The following MYO3A variants were observed in gnomAD, a reference collection of about 807,000 sequenced individuals.
MYO3A encodes myosin-IIIa.
A neutral mutation model predicts 192.7 loss-of-function variants in MYO3A; 180 were observed. That is an observed-to-expected ratio of 0.93 (90% CI 0.83 to 1.06). The LOEUF is 1.06. MYO3A is among the 50% of genes least tolerant of loss of function. The pLI is 0.00. For synonymous variants in MYO3A, 628 were observed against 645.3 expected, an observed-to-expected ratio of 0.97 and a Z score of 0.41; for missense variants, 1,896 against 1,905.0, an observed-to-expected ratio of 1.00 and a Z score of 0.09.
rs753660569 is a variant in MYO3A, at chr10:26,170,516, C to G, written c.3375C>G (p.Tyr1125Ter). ...AAACTTCTGATCAGGAATTCGACTACAAGAAAAACTTTGAAAATACAAGGT... is the reference window on the plus strand; with the variant it reads ...AAACTTCTGATCAGGAATTCGACTAGAAGAAAAACTTTGAAAATACAAGGT... ...TIQTSDQEFDYKKNFENTRES... is the reference protein window; with the variant it reads ...TIQTSDQEFD The change falls in exon 29 of 35, where the codon TAC becomes TAG. Residue 1125 changes from tyrosine to a stop codon, truncating the protein, a stop_gained. Coordinates refer to ENST00000642920, the MANE Select transcript of MYO3A (RefSeq NM_017433.5). LOFTEE classifies it high-confidence loss of function. The G allele has an allele frequency of 6.2e-7, 1 of 1,612,296 alleles. No homozygotes were observed. Among genetic ancestry groups the G allele is most frequent in the African/African-American group, 1.3e-5 (1 of 75,010 alleles).
At chr10:26,042,873 A>G (rs947074748) in intron 10 of MYO3A, among the ~76,000 whole-genome samples, 1 of 152,234 alleles carries the variant, frequency 6.6e-6, no homozygotes, top group South Asian at 2.1e-4. Context: ...ATGCTTGTGG[A>G]CATTCATCTA....
intron 23 of MYO3A, among the ~76,000 whole-genome samples, chr10:26,150,945 A>G (rs929282338): frequency 6.6e-5 from 10 of 152,132 alleles, no homozygotes; most frequent in African/African-American, 2.4e-4. Context: ...TATATGGGTT[A>G]TTTATAAGAG....
chr10:25,957,346 T>G (rs895606297), intron 4 of MYO3A, among the ~76,000 whole-genome samples: 1 of 152,170 alleles, frequency 6.6e-6, no homozygotes, highest in Non-Finnish European at 1.5e-5. Context: ...CTGACATCCA[T>G]GTAAGATGTG....
chr10:26,206,578 A>G (rs1039319183), intron 34 of MYO3A, among the ~76,000 whole-genome samples: 25 of 151,708 alleles, frequency 1.6e-4, no homozygotes, highest in Non-Finnish European at 7.4e-5. Context: ...CCTCCCAAAT[A>G]CCTGGGATTA....
chr10:26,068,646 G>A, intron 11 of MYO3A, 122 bp from the exon 12 acceptor site: 2 of 614,872 alleles, frequency 3.3e-6, no homozygotes, highest in Non-Finnish European at 2.9e-6. Flanking sequence ...TACTATCAGT[G>A]TGTCTGTTTT....
rs776000003 is a variant in MYO3A at position 26,157,346 on chromosome 10, G to A, written c.2830G>A (p.Gly944Ser). Residue 944 changes from glycine to serine, a missense_variant, in exon 26 of 35, where the codon GGC (glycine) becomes AGC (serine). Coordinates refer to ENST00000642920, the MANE Select transcript of MYO3A (RefSeq NM_017433.5). Reference protein sequence around the residue: ...LMDLLSKMVVGQPHFVRCIKP... With the variant: ...LMDLLSKMVVSQPHFVRCIKP... ...GGATTTGTTGTCTAAAATGGTGGTGGGCCAACCTCATTTTGTCCGTTGCAT... is the reference window on the plus strand; with the variant it reads ...GGATTTGTTGTCTAAAATGGTGGTGAGCCAACCTCATTTTGTCCGTTGCAT... 6 of 1,614,008 alleles carry A rather than the reference G, an allele frequency of 3.7e-6. No homozygotes were observed. In the Admixed American group the frequency reaches 6.7e-5, roughly 18 times the overall value.
chr10:26,175,832 A>T (rs1326109716), intron 30 of MYO3A, among the ~76,000 whole-genome samples: 1 of 152,214 alleles, frequency 6.6e-6, no homozygotes, highest in Non-Finnish European at 1.5e-5. Context: ...AATGCCATGG[A>T]GTAAATTCAC....
intron 4 of MYO3A, among the ~76,000 whole-genome samples, chr10:25,957,803 G>T (rs764552598): frequency 1.3e-4 from 20 of 152,216 alleles, no homozygotes; most frequent in Non-Finnish European, 2.6e-4. Context: ...GTGTGAGACG[G>T]TATCTCATTG....
chr10:26,195,563 T>C (rs998266122), intron 32 of MYO3A, among the ~76,000 whole-genome samples: 4 of 152,222 alleles, frequency 2.6e-5, no homozygotes, highest in Non-Finnish European at 5.9e-5. Flanking sequence ...CCTGCTCACC[T>C]TTCCAGCCTC....
intron 4 of MYO3A, among the ~76,000 whole-genome samples, chr10:25,968,861 C>A (rs1476770527): frequency 6.6e-6 from 1 of 152,166 alleles, no homozygotes; most frequent in African/African-American, 2.4e-5. Context: ...ATGCTACCTG[C>A]CTATTAGTGA....
In MYO3A at chr10:26,166,171, A is replaced by G. The variant is rs751951250; in HGVS notation, c.3104A>G (p.Lys1035Arg). Reference protein sequence around the residue: ...KAGLDNWALGKTKVFLKYYHV... With the variant: ...KAGLDNWALGRTKVFLKYYHV... ...GGTCTCGATAACTGGGCTCTTGGAA[A>G]AACAAAAGTAATGTTTTCATGTAAT... Residue 1035 changes from lysine to arginine, a missense_variant, in exon 27 of 35, where the codon AAA becomes AGA. Coordinates refer to ENST00000642920, the MANE Select transcript of MYO3A (RefSeq NM_017433.5). The G allele has an allele frequency of 6.2e-7, 1 of 1,607,194 alleles. No individual in the cohort carries two copies.
At chr10:26,211,758 A>T in intron 34 of MYO3A, 85 bp from the exon 35 acceptor site, 1 of 1,589,416 alleles carries the variant, frequency 6.3e-7, no homozygotes, top group Non-Finnish European at 8.6e-7. Context: ...CGTGGGAGGA[A>T]GAGGACCCGC....
intron 7 of MYO3A, among the ~76,000 whole-genome samples, chr10:26,018,969 G>T (rs561362258): frequency 2.0e-5 from 3 of 152,180 alleles, no homozygotes; most frequent in Admixed American, 6.5e-5. Context: ...ATGCATTTTT[G>T]AATTTTTAAC....
intron 20 of MYO3A, among the ~76,000 whole-genome samples, chr10:26,140,604 G>A (rs1222046430): frequency 1.3e-5 from 2 of 151,062 alleles, no homozygotes; most frequent in Non-Finnish European, 2.9e-5. Flanking sequence ...AGAATTACTC[G>A]AACCCGGGAA....
intron 10 of MYO3A, among the ~76,000 whole-genome samples, chr10:26,039,746 T>C (rs141911768): frequency 6.6e-6 from 1 of 152,142 alleles, no homozygotes. Context: ...TCAATTCTGA[T>C]TTTACTTAAT....
At chr10:26,127,539 G>T (rs1354181627) in intron 19 of MYO3A, among the ~76,000 whole-genome samples, 1 of 152,098 alleles carries the variant, frequency 6.6e-6, no homozygotes, top group Non-Finnish European at 1.5e-5. Context: ...GAATTCAGTT[G>T]CTTCCTCCAA....
chr10:26,113,927 A>G (rs1838344866), intron 17 of MYO3A, among the ~76,000 whole-genome samples: 1 of 152,222 alleles, frequency 6.6e-6, no homozygotes, highest in East Asian at 1.9e-4. Context: ...ATGCTGTTTT[A>G]TTGCTTTAAG....
At chr10:26,096,518 A>G in intron 16 of MYO3A, 39 bp downstream of exon 16, 1 of 1,601,098 alleles carries the variant, frequency 6.2e-7, no homozygotes, top group African/African-American at 1.3e-5. Flanking sequence ...TAATACTTTC[A>G]CTTTTCCCTT....
At chr10:26,145,405 C>G (rs372163699) in intron 21 of MYO3A, 41 bp from the exon 22 acceptor site, 172 of 1,350,062 alleles carry the variant, frequency 1.3e-4, no homozygotes, top group Non-Finnish European at 7.8e-5. Context: ...TTTTGAGGAT[C>G]TCATACATGC....
Sources: gnomAD v4.1 joint callset for allele counts (sites outside exome capture counted in the v4.1 genomes callset) on GRCh38, gnomAD v4.1.1 for gene constraint, MANE v1.5 for transcripts, NCBI Gene and HGNC (gene_info 2026-07-23, HGNC 2026-07-21) for gene names.